The following CDH23 variants were observed in gnomAD, a reference collection of about 807,000 sequenced individuals.
The protein encoded by CDH23 is cadherin related 23, also known as cadherin-23.
Under a neutral mutation model 317.1 loss-of-function variants are expected in CDH23, and 189 were observed. The ratio of observed to expected loss-of-function variants is 0.60; its 90% confidence interval spans 0.53 to 0.67. CDH23 has a LOEUF of 0.67. CDH23 is among the 30% of genes least tolerant of loss of function. The probability of loss-of-function intolerance (pLI) is 0.00; values close to 1 mark genes in which losing one functional copy is unlikely to be tolerated. For missense variants in CDH23, 4,401 were observed against 4,592.4 expected (o/e 0.96, Z 1.20); for synonymous variants, 1,839 against 1,876.8 (o/e 0.98, Z 0.52).
chr10:71,518,977 C>G (rs1404528674), intron 6 of CDH23, among the ~76,000 whole-genome samples: 1 of 152,254 alleles, frequency 6.6e-6, no homozygotes, highest in African/African-American at 2.4e-5. Context: ...CCACCCACAG[C>G]ACCACGAAAG....
At chr10:71,664,418 T>C (rs1218169391) in intron 14 of CDH23, among the ~76,000 whole-genome samples, 1 of 152,194 alleles carries the variant, frequency 6.6e-6, no homozygotes, top group African/African-American at 2.4e-5. Flanking sequence ...CCCATCAGCC[T>C]CCACCCAGGG....
chr10:71,633,407 T>G (rs1235808215), intron 11 of CDH23, among the ~76,000 whole-genome samples: 6 of 152,024 alleles, frequency 3.9e-5, no homozygotes, highest in African/African-American at 1.4e-4. Context: ...ATGCGGCCAA[T>G]ACACATACAC....
chr10:71,532,727 G>GTTTTTT (rs200038577), intron 6 of CDH23, among the ~76,000 whole-genome samples: 41 of 93,938 alleles, frequency 4.4e-4, no homozygotes, highest in Non-Finnish European at 7.9e-4. Flanking sequence ...TTTTTTTTTT[G>GTTTTTT]TTTTTTTTTT....
intron 17 of CDH23, 57 bp downstream of exon 17, chr10:71,679,549 C>A (rs112383908): frequency 1.0e-5 from 13 of 1,289,610 alleles, no homozygotes; most frequent in African/African-American, 1.5e-5. Context: ...GGGCTCTCTG[C>A]ACTCACACCT....
At chr10:71,582,834 T>C (rs1858736064) in intron 9 of CDH23, among the ~76,000 whole-genome samples, 1 of 152,212 alleles carries the variant, frequency 6.6e-6, no homozygotes, top group Non-Finnish European at 1.5e-5. Context: ...ATCTTCGCCC[T>C]GGGAACCTGC....
At chr10:71,682,620 T>A in intron 18 of CDH23, 48 bp downstream of exon 18, 1 of 1,603,146 alleles carries the variant, frequency 6.2e-7, no homozygotes, top group Middle Eastern at 1.7e-4. Flanking sequence ...TAAGGGATGG[T>A]GAGTGCTTCC....
chr10:71,624,348 A>G (rs1224745303), intron 11 of CDH23, among the ~76,000 whole-genome samples: 2 of 152,368 alleles, frequency 1.3e-5, no homozygotes, highest in East Asian at 3.9e-4. Context: ...TAGAAATAAA[A>G]TTAACCAGCC....
intron 29 of CDH23, 57 bp downstream of exon 29, chr10:71,724,162 C>A: frequency 6.5e-7 from 1 of 1,527,224 alleles, no homozygotes; most frequent in Non-Finnish European, 8.9e-7. Flanking sequence ...GAGGGCAGAG[C>A]TTCTCTAGGC....
At chr10:71,414,089 G>T (rs181389309) in intron 1 of CDH23, among the ~76,000 whole-genome samples, 4 of 146,926 alleles carry the variant, frequency 2.7e-5, no homozygotes, top group African/African-American at 9.9e-5. Context: ...GTGTGTAATT[G>T]TTAGAGTTTT....
intron 6 of CDH23, among the ~76,000 whole-genome samples, chr10:71,542,809 T>C (rs577806796): frequency 1.3e-5 from 2 of 152,314 alleles, no homozygotes; most frequent in South Asian, 4.2e-4. Context: ...ACACTTCAGC[T>C]CTCCCCACCC....
At chr10:71,760,736 C>A in intron 38 of CDH23, 1 of 794,092 alleles carries the variant, frequency 1.3e-6, no homozygotes, top group South Asian at 1.5e-5. Flanking sequence ...TGTGCAGCAG[C>A]AGAAAAGGAG....
chr10:71,610,185 A>G (rs552762982), intron 9 of CDH23, among the ~76,000 whole-genome samples: 5 of 152,224 alleles, frequency 3.3e-5, no homozygotes, highest in African/African-American at 1.2e-4. Flanking sequence ...TATATTTTTA[A>G]TAGAGATAAG....
intron 3 of CDH23, among the ~76,000 whole-genome samples, chr10:71,457,447 A>G (rs976732915): frequency 1.3e-5 from 2 of 152,136 alleles, no homozygotes; most frequent in Non-Finnish European, 2.9e-5. Context: ...AATTCCACGT[A>G]TTCAATCTCC....
chr10:71,754,219 G>A (rs1049868110), intron 38 of CDH23, among the ~76,000 whole-genome samples: 1 of 152,126 alleles, frequency 6.6e-6, no homozygotes, highest in African/African-American at 2.4e-5. Context: ...CCAGCCATGG[G>A]TATTCCTGCA....
chr10:71,682,226 A>G (rs1481032686), intron 17 of CDH23, among the ~76,000 whole-genome samples: 1 of 152,202 alleles, frequency 6.6e-6, no homozygotes, highest in Non-Finnish European at 1.5e-5. Flanking sequence ...GGCTTACATT[A>G]CCACCAGCTA....
intron 1 of CDH23, among the ~76,000 whole-genome samples, chr10:71,436,581 C>T (rs566652778): frequency 6.6e-6 from 1 of 152,282 alleles, no homozygotes; most frequent in East Asian, 1.9e-4. Context: ...TCAATGTCCT[C>T]GTCTGTAAAA....
chr10:71,737,870 C>T (rs1475928897), intron 34 of CDH23: 3 of 451,910 alleles, frequency 6.6e-6, no homozygotes, highest in African/African-American at 2.0e-5. Flanking sequence ...TTGTTGCATG[C>T]CCGGTTTTTA....
Position 71,800,742 on chromosome 10 carries a change from A to G in CDH23, c.7469A>G (p.Glu2490Gly), listed in dbSNP as rs762385378. The G allele has an allele frequency of 1.9e-6, 3 of 1,613,818 alleles. No homozygotes were observed. In the African/African-American group the frequency reaches 4.0e-5, roughly 22 times the overall value. ...NPGDVASNRR[E>G]NSVQVVIQVL... ...GGGGATGTAGCCAGCAACCGTCGCG[A>G]AAATTCAGTGCAGGTGAGGGGTGCC... The change falls in exon 53 of 70, where the codon GAA becomes GGA. Residue 2490 changes from glutamate to glycine, a missense_variant. By Grantham distance (98) the Glu-to-Gly change is moderately conservative (BLOSUM62 -2). Coordinates refer to ENST00000224721, the MANE Select transcript of CDH23 (RefSeq NM_022124.6).
At chr10:71,707,391 A>G in intron 26 of CDH23, 1 of 1,349,446 alleles carries the variant, frequency 7.4e-7, no homozygotes, top group South Asian at 1.9e-5. Flanking sequence ...AGTCTGGGTG[A>G]CAGAGCAGTG....
Sources: gnomAD v4.1 joint callset for allele counts (sites outside exome capture counted in the v4.1 genomes callset) on GRCh38, gnomAD v4.1.1 for gene constraint, MANE v1.5 for transcripts, NCBI Gene and HGNC (gene_info 2026-07-23, HGNC 2026-07-21) for gene names.